The following KSR2 variants were observed in gnomAD, a reference collection of about 807,000 sequenced individuals.
KSR2 encodes the protein kinase suppressor of ras 2.
Under a neutral mutation model 107.8 loss-of-function variants are expected in KSR2, and 25 were observed. That is an observed-to-expected ratio of 0.23 (90% CI 0.17 to 0.32). KSR2 has a LOEUF of 0.32. Ranked by LOEUF, KSR2 falls within the 10% of genes least tolerant of loss-of-function variation. The pLI is 1.00. For synonymous variants in KSR2, 480 were observed against 507.0 expected (o/e 0.95, Z 0.71); for missense variants, 887 against 1,268.9 (o/e 0.70, Z 4.57).
intron 5 of KSR2, among the ~76,000 whole-genome samples, chr12:117,648,639 A>G (rs942109842): frequency 2.6e-5 from 4 of 152,226 alleles, no homozygotes; most frequent in Non-Finnish European, 5.9e-5. Context: ...CCTTGCCAGG[A>G]AGGTATTGCT....
Position 117,530,987 on chromosome 12 carries a change from T to G in KSR2, c.1756A>C (p.Thr586Pro). 6.2e-7 allele frequency: 1 copy of G among 1,613,580 alleles called. No homozygotes were observed. The highest frequency in any genetic ancestry group is 1.7e-5 in the Admixed American group (1 of 59,964). The change falls in exon 12 of 20, where the codon ACC (threonine) becomes CCC (proline). Residue 586 changes from threonine (T) to proline (P), a missense_variant. By Grantham distance (38) the Thr-to-Pro change is conservative (BLOSUM62 -1). This residue lies in a region of KSR2 where 308 missense variants were observed against 506.2 expected (regional missense o/e 0.61). Transcript: ENST00000339824. ...PDVVPVPETP[T>P]RAPQVILHPV... ...TGCAGGATGACCTGGGGCGCCCGGGTCGGCGTCTCCGGCACCGGCACCACA... is the reference window on the plus strand; with the variant it reads ...TGCAGGATGACCTGGGGCGCCCGGGGCGGCGTCTCCGGCACCGGCACCACA...
At chr12:117,941,517 T>G (rs1026932737) in intron 1 of KSR2, among the ~76,000 whole-genome samples, 1 of 151,740 alleles carries the variant, frequency 6.6e-6, no homozygotes, top group Admixed American at 6.6e-5. Flanking sequence ...ACAGATGTAG[T>G]AAAATGACTT....
intron 9 of KSR2, among the ~76,000 whole-genome samples, chr12:117,542,284 A>G (rs1876553360): frequency 6.6e-6 from 1 of 152,180 alleles, no homozygotes; most frequent in Non-Finnish European, 1.5e-5. Context: ...CTTCGTATTG[A>G]GTAGAGGTGC....
intron 1 of KSR2, among the ~76,000 whole-genome samples, chr12:117,876,561 A>G (rs1257326118): frequency 6.6e-6 from 1 of 152,184 alleles, no homozygotes; most frequent in Non-Finnish European, 1.5e-5. Context: ...AAGGGTTTAT[A>G]TATTTAATGA....
intron 17 of KSR2, among the ~76,000 whole-genome samples, chr12:117,475,954 A>C (rs79389273): frequency 0.014 from 2,072 of 152,300 alleles, 55 homozygotes; most frequent in African/African-American, 0.048. Flanking sequence ...CCACCAGGGA[A>C]GTGGATCCCC....
chr12:117,654,453 C>T (rs911469597), intron 5 of KSR2, among the ~76,000 whole-genome samples: 4 of 152,298 alleles, frequency 2.6e-5, no homozygotes, highest in South Asian at 2.1e-4. Context: ...CTGCACAATA[C>T]GCGGGCACCA....
chr12:117,691,005 C>T (rs1885789720), intron 4 of KSR2, among the ~76,000 whole-genome samples: 1 of 152,170 alleles, frequency 6.6e-6, no homozygotes, highest in African/African-American at 2.4e-5. Context: ...CGATCACAGG[C>T]AAACAGATTC....
chr12:117,516,535 TATC>T (rs533194721), intron 14 of KSR2, among the ~76,000 whole-genome samples: 5 of 152,214 alleles, frequency 3.3e-5, no homozygotes, highest in Non-Finnish European at 5.9e-5. Flanking sequence ...GTTGTTATTA[TATC>T]ATTATTATTA....
rs117004460 is a variant in KSR2, at chr12:117,550,096, A to G, written c.1518+5073T>C. Among the ~76,000 whole-genome samples the G allele has an allele frequency of 7.9e-5, 12 of 152,306 alleles. No individual in the cohort carries two copies. In the East Asian group the frequency reaches 2.3e-3, roughly 29 times the overall value. On this transcript the variant is annotated intron_variant, in intron 9 of 19. Transcript: ENST00000339824. Reference sequence around the variant, plus strand: ...AATGGCATAATTCCTCTTTCTGAACATAGATAAGAGCTGGAAACATCCATC... The same window carrying G: ...AATGGCATAATTCCTCTTTCTGAACGTAGATAAGAGCTGGAAACATCCATC...
chr12:117,578,601 CAAAAAAAA>C (rs66919524), intron 7 of KSR2, among the ~76,000 whole-genome samples: 17 of 104,016 alleles, frequency 1.6e-4, no homozygotes, highest in East Asian at 1.1e-3. Context: ...GACTCCATCT[CAAAAAAAA>C]AAAAAAAAAA....
chr12:117,582,755 A>G (rs955577338), intron 5 of KSR2, among the ~76,000 whole-genome samples: 3 of 152,178 alleles, frequency 2.0e-5, no homozygotes, highest in African/African-American at 7.2e-5. Flanking sequence ...TGGAGAGGGG[A>G]AGTCACTTGC....
intron 19 of KSR2, chr12:117,467,766 T>C: frequency 2.3e-6 from 1 of 426,620 alleles, no homozygotes; most frequent in African/African-American, 2.1e-5. Context: ...TTTTGTTGAC[T>C]GCTGTATTCT....
intron 18 of KSR2, among the ~76,000 whole-genome samples, chr12:117,470,193 TATCC>T (rs60164511): frequency 0.45 from 61,576 of 137,828 alleles, 14,019 homozygotes; most frequent in South Asian, 0.67. Flanking sequence ...CATCTTTCAT[TATCC>T]ATCCATCCAT....
At chr12:117,647,456 G>A (rs1593089029) in intron 5 of KSR2, among the ~76,000 whole-genome samples, 1 of 152,278 alleles carries the variant, frequency 6.6e-6, no homozygotes, top group Middle Eastern at 3.4e-3. Context: ...GCCAGCACGG[G>A]CCCAGGGTGC....
intron 14 of KSR2, among the ~76,000 whole-genome samples, chr12:117,505,271 T>G (rs1873609621): frequency 6.6e-6 from 1 of 152,198 alleles, no homozygotes; most frequent in Non-Finnish European, 1.5e-5. Context: ...TATCACATCA[T>G]GTTGAGCACA....
chr12:117,769,075 T>C (rs1289248554), intron 3 of KSR2, among the ~76,000 whole-genome samples: 1 of 152,214 alleles, frequency 6.6e-6, no homozygotes, highest in Non-Finnish European at 1.5e-5. Context: ...AGTCTGAATT[T>C]CCTGCAGGAC....
intron 3 of KSR2, among the ~76,000 whole-genome samples, chr12:117,834,342 T>C (rs896089348): frequency 4.0e-5 from 6 of 149,206 alleles, no homozygotes; most frequent in Admixed American, 6.8e-5. Context: ...ACAAAACAAG[T>C]ACACCTTTTC....
At chr12:117,489,611 C>T (rs777379517) in intron 14 of KSR2, among the ~76,000 whole-genome samples, 8 of 151,192 alleles carry the variant, frequency 5.3e-5, no homozygotes, top group Non-Finnish European at 7.4e-5. Flanking sequence ...TAATGTATGG[C>T]GTTGAAATCT....
In KSR2 at chr12:117,516,090, G is replaced by A. The variant is rs138026231; in HGVS notation, c.2219+8762C>T. Among the ~76,000 whole-genome samples the A allele has an allele frequency of 3.3e-3, 505 of 152,028 alleles. 3 individuals carry two copies. The highest frequency in any genetic ancestry group is 0.011 in the African/African-American group (456 of 41,448). The stretch of plus-strand genomic sequence containing the variant: ...CCTTGCAGAATTTCCCATCTCAACC[G>A]GGCCACAATGCTGCAGGTGTTCCGG... On this transcript the variant is annotated intron_variant, in intron 14 of 19. Transcript: ENST00000339824.
Sources: allele counts gnomAD v4.1 joint callset (sites outside exome capture counted in the v4.1 genomes callset), GRCh38; gene constraint gnomAD v4.1.1; regional missense constraint gnomAD v4.1.1; transcripts MANE v1.5; gene names NCBI Gene and HGNC (gene_info 2026-07-23, HGNC 2026-07-21).